CCDC87: variants seen among roughly 807,000 people sequenced by gnomAD.
CCDC87 encodes coiled-coil domain containing 87.
For synonymous variants in CCDC87, 434 were observed against 440.2 expected, an observed-to-expected ratio of 0.99 and a Z score of 0.18; for missense variants, 1,072 against 1,041.7, an observed-to-expected ratio of 1.03 and a Z score of -0.40.
In CCDC87 at chr11:66,593,050, G is replaced by C; in HGVS notation, c.-35C>G. 3.3e-6 allele frequency: 5 copies of C among 1,502,000 alleles called. No homozygotes were observed. Among genetic ancestry groups the C allele is most frequent in the Non-Finnish European group, 4.4e-6 (5 of 1,127,184 alleles). The allele number at this position is 1,502,000 out of a possible 1,614,324, so 93.0% of individuals were successfully genotyped here. Reference sequence around the variant, plus strand: ...GGCCGCCACCGTCCAGGAACAGAAAGCCGAGGGGTTACTAAGGCAACCAGG... The same window carrying C: ...GGCCGCCACCGTCCAGGAACAGAAACCCGAGGGGTTACTAAGGCAACCAGG... On this transcript the variant is annotated 5_prime_UTR_variant, in exon 1 of 1. Coordinates refer to ENST00000333861, the MANE Select transcript of CCDC87 (RefSeq NM_018219.3).
chr11:66,593,045 A>C lies in CCDC87; in HGVS notation c.-30T>G, dbSNP rs1377882414. Reference sequence around the variant, plus strand: ...CCGGCGGCCGCCACCGTCCAGGAACAGAAAGCCGAGGGGTTACTAAGGCAA... The same window carrying C: ...CCGGCGGCCGCCACCGTCCAGGAACCGAAAGCCGAGGGGTTACTAAGGCAA... On this transcript the variant is annotated 5_prime_UTR_variant, in exon 1 of 1. Transcript: ENST00000333861. 1.5e-5 allele frequency: 22 copies of C among 1,504,306 alleles called. No homozygotes were observed. Among genetic ancestry groups the C allele is most frequent in the Non-Finnish European group, 1.9e-5 (22 of 1,128,932 alleles). The allele number at this position is 1,504,306 out of a possible 1,614,324, so 93.2% of individuals were successfully genotyped here.
At position 66,593,049 on chromosome 11, in the gene CCDC87, A is replaced by T; in HGVS notation, c.-34T>A. 6.7e-7 allele frequency: 1 copy of T among 1,501,598 alleles called. No individual in the cohort carries two copies. The allele number at this position is 1,501,598 out of a possible 1,614,324, so 93.0% of individuals were successfully genotyped here. ...CGGCCGCCACCGTCCAGGAACAGAA[A>T]GCCGAGGGGTTACTAAGGCAACCAG... On this transcript the variant is annotated 5_prime_UTR_variant, in exon 1 of 1. Coordinates refer to ENST00000333861, the MANE Select transcript of CCDC87 (RefSeq NM_018219.3).
At position 66,590,512 on chromosome 11, in the gene CCDC87, T is replaced by C; in HGVS notation, c.2504A>G (p.Asp835Gly). 1 of 1,613,762 alleles carries C rather than the reference T, an allele frequency of 6.2e-7. No homozygotes were observed. Among genetic ancestry groups the C allele is most frequent in the Non-Finnish European group, 8.5e-7 (1 of 1,179,760 alleles). The change falls in exon 1 of 1, where the codon GAT (aspartate) becomes GGT (glycine). Residue 835 changes from aspartate to glycine, a missense_variant. Asp to Gly is a moderately conservative substitution (Grantham distance 94, BLOSUM62 -1). Transcript: ENST00000333861. The part of the protein sequence containing the change: ...RVRHLVSALK[D>G]PHQSTLFRSS... Reference sequence around the variant, plus strand: ...CCTGAACAGGGTTGACTGGTGGGGATCCTTCAGGGCCGAGACCAGGTGGCG... The same window carrying C: ...CCTGAACAGGGTTGACTGGTGGGGACCCTTCAGGGCCGAGACCAGGTGGCG...
chr11:66,591,930 C>T lies in CCDC87; in HGVS notation c.1086G>A (p.Lys362=). ...AGCGAGTCCCCTCCAACTTCATCTT[C>T]TTTATCAACTGCTTCAGATCCTCAG... ...IVAEDLKQLI[K]KMKLEGTRYP... is the part of the protein sequence containing the mutation. Residue 362 remains lysine, a synonymous_variant, in exon 1 of 1, where the codon AAG becomes AAA. Transcript: ENST00000333861. 1 of 1,613,912 alleles carries T rather than the reference C, an allele frequency of 6.2e-7. No individual in the cohort carries two copies. Among genetic ancestry groups the T allele is most frequent in the South Asian group, 1.1e-5 (1 of 91,086 alleles).
In CCDC87 at chr11:66,592,778, G is replaced by A. The variant is rs755017754; in HGVS notation, c.238C>T (p.Arg80Ter). Residue 80 changes from arginine to a stop codon, truncating the protein, a stop_gained, in exon 1 of 1, where the codon CGA becomes TGA. Coordinates refer to ENST00000333861, the MANE Select transcript of CCDC87 (RefSeq NM_018219.3). LOFTEE classifies it low-confidence loss of function (END_TRUNC). ...GIAAGVPPEA[R>*]LRLIKVILDE... ...AGGATGACCTTGATGAGACGTAGTC[G>A]GGCCTCAGGAGGCACTCCCGCTGCT... 6 of 1,611,818 alleles carry A rather than the reference G, an allele frequency of 3.7e-6. No individual in the cohort carries two copies. The highest frequency in any genetic ancestry group is 5.1e-6 in the Non-Finnish European group (6 of 1,179,108).
In CCDC87 at chr11:66,592,446, C is replaced by A. The variant is rs1352303709; in HGVS notation, c.570G>T (p.Gly190=). ...AGACAGGGTGCAGCTTGTCCACATC[C>A]CCAGAGGCCTGCTCTGCCCTCAGCA... The part of the protein sequence containing the change: ...QALLRAEQAS[G]DVDKLHPVCP... The change falls in exon 1 of 1, where the codon GGG becomes GGT. Residue 190 remains glycine, a synonymous_variant. Coordinates refer to ENST00000333861, the MANE Select transcript of CCDC87 (RefSeq NM_018219.3). 3.1e-6 allele frequency: 5 copies of A among 1,613,898 alleles called. No individual in the cohort carries two copies. The highest frequency in any genetic ancestry group is 4.2e-6 in the Non-Finnish European group (5 of 1,179,996).
In CCDC87 at chr11:66,592,177, G is replaced by C; in HGVS notation, c.839C>G (p.Ser280Cys). ...IGKKREIDIS[S>C]SQMVSLPSYP... is the part of the protein sequence containing the mutation. Reference sequence around the variant, plus strand: ...GCTGGGCAGCGACACCATCTGTGAGGAACTGATGTCGATTTCTCTCTTCTT... The same window carrying C: ...GCTGGGCAGCGACACCATCTGTGAGCAACTGATGTCGATTTCTCTCTTCTT... The change falls in exon 1 of 1, where the codon TCC becomes TGC. Residue 280 changes from serine (S) to cysteine (C), a missense_variant. Coordinates refer to ENST00000333861, the MANE Select transcript of CCDC87 (RefSeq NM_018219.3). 1 of 1,595,956 alleles carries C rather than the reference G, an allele frequency of 6.3e-7. No homozygotes were observed. Among genetic ancestry groups the C allele is most frequent in the Non-Finnish European group, 8.5e-7 (1 of 1,171,290 alleles).
In CCDC87 at chr11:66,591,711, A is replaced by G; in HGVS notation, c.1305T>C (p.Leu435=). ...CCGCCTGGACCACGACCTCATTTCT[A>G]AGCTTCAAAGTAATGGTCACTGGCT... ...HPQPVTITLK[L]RNEVVVQAAA... The change falls in exon 1 of 1, where the codon CTT becomes CTC. Residue 435 remains leucine, a synonymous_variant. Transcript: ENST00000333861. 6.2e-7 allele frequency: 1 copy of G among 1,613,658 alleles called. No homozygotes were observed. The highest frequency in any genetic ancestry group is 1.1e-5 in the South Asian group (1 of 91,070).
Position 66,592,935 on chromosome 11 carries a change from A to T in CCDC87, c.81T>A (p.Thr27=), listed in dbSNP as rs772721340. 59 of 1,519,658 alleles carry T rather than the reference A, an allele frequency of 3.9e-5. 1 individual carries two copies. Among genetic ancestry groups the T allele is most frequent in the African/African-American group, 4.2e-5 (3 of 71,680 alleles). 94.1% of individuals were successfully genotyped at this position (1,519,658 alleles called of 1,614,324 possible). ...RLLRPLSLFP[T]RTTSPEPQKR... is the part of the protein sequence containing the mutation. ...TCTGAGGCTCTGGGGACGTCGTCCTAGTGGGGAAGAGCGACAGCGGACGCA... is the reference window on the plus strand; with the variant it reads ...TCTGAGGCTCTGGGGACGTCGTCCTTGTGGGGAAGAGCGACAGCGGACGCA... The change falls in exon 1 of 1, where the codon ACT becomes ACA. Residue 27 remains threonine (T), a synonymous_variant. Transcript: ENST00000333861.
In CCDC87 at chr11:66,590,589, C is replaced by T. The variant is rs973609447; in HGVS notation, c.2427G>A (p.Met809Ile). 10 of 1,614,120 alleles carry T rather than the reference C, an allele frequency of 6.2e-6. No homozygotes were observed. The highest frequency in any genetic ancestry group is 1.3e-5 in the African/African-American group (1 of 74,948). The change falls in exon 1 of 1, where the codon ATG becomes ATA. Residue 809 changes from methionine (M) to isoleucine (I), a missense_variant. Physicochemically the swap from Met to Ile is conservative, Grantham distance 10. Transcript: ENST00000333861. ...AGAGCATCTCCACTTTGTCACTCTTCATCTTGTCCAGGTAGGGCCGCCCCT... is the reference window on the plus strand; with the variant it reads ...AGAGCATCTCCACTTTGTCACTCTTTATCTTGTCCAGGTAGGGCCGCCCCT... Reference protein sequence around the residue: ...IFKGRPYLDKMKSDKVEMLYW... With the variant: ...IFKGRPYLDKIKSDKVEMLYW...
chr11:66,591,139 G>T lies in CCDC87; in HGVS notation c.1877C>A (p.Ala626Asp). 6.2e-7 allele frequency: 1 copy of T among 1,614,100 alleles called. No homozygotes were observed. Among genetic ancestry groups the T allele is most frequent in the Non-Finnish European group, 8.5e-7 (1 of 1,180,020 alleles). The change falls in exon 1 of 1, where the codon GCC (alanine) becomes GAC (aspartate). Residue 626 changes from alanine (A) to aspartate (D), a missense_variant. Ala to Asp is a moderately radical substitution (Grantham distance 126). Transcript: ENST00000333861. ...HEEEVPVEIV[A>D]PARESLEIQH... ...AATCTCTAGGGACTCTCTGGCAGGG[G>T]CCACAATCTCCACAGGAACCTCTTC...
At position 66,592,846 on chromosome 11, in the gene CCDC87, G is replaced by T; in HGVS notation, c.170C>A (p.Ser57Ter). ...CAGCTTGGCCACCTGGCTGCACAGC[G>T]ACGCCACCGTCAGCTTCGCCAGAGG... ...SFPLAKLTVA[S>*]LCSQVAKLLA... Residue 57 changes from serine (S) to a stop codon, truncating the protein, a stop_gained, in exon 1 of 1, where the codon TCG becomes TAG. Coordinates refer to ENST00000333861, the MANE Select transcript of CCDC87 (RefSeq NM_018219.3). LOFTEE classifies it low-confidence loss of function (END_TRUNC). 6.3e-7 allele frequency: 1 copy of T among 1,578,842 alleles called. No individual in the cohort carries two copies. The highest frequency in any genetic ancestry group is 2.2e-5 in the East Asian group (1 of 44,542).
chr11:66,591,808 C>T lies in CCDC87; in HGVS notation c.1208G>A (p.Arg403Lys), dbSNP rs1443846706. 5.6e-6 allele frequency: 9 copies of T among 1,613,310 alleles called. No individual in the cohort carries two copies. In the Admixed American group the frequency reaches 1.5e-4, roughly 27 times the overall value. ...HRLEELEKML[R>K]NLQEEEASGQ... is the part of the protein sequence containing the mutation. The stretch of plus-strand genomic sequence containing the variant: ...AGAGGCTTCTTCCTCCTGGAGGTTC[C>T]TCAACATCTTCTCCAGCTCCTCCAG... The change falls in exon 1 of 1, where the codon AGG (arginine) becomes AAG (lysine). Residue 403 changes from arginine (R) to lysine (K), a missense_variant. Transcript: ENST00000333861.
chr11:66,590,566 A>C lies in CCDC87; in HGVS notation c.2450T>G (p.Leu817Arg), dbSNP rs1858333256. Residue 817 changes from leucine (L) to arginine (R), a missense_variant, in exon 1 of 1, where the codon CTC becomes CGC. By Grantham distance (102) the Leu-to-Arg change is moderately radical. Coordinates refer to ENST00000333861, the MANE Select transcript of CCDC87 (RefSeq NM_018219.3). ...DKMKSDKVEM[L>R]YWLQQQRRVR... is the part of the protein sequence containing the mutation. ...CCGCCGCTGCTGTTGCAGCCAATAG[A>C]GCATCTCCACTTTGTCACTCTTCAT... 4 of 1,614,036 alleles carry C rather than the reference A, an allele frequency of 2.5e-6. No individual in the cohort carries two copies. The highest frequency in any genetic ancestry group is 1.3e-5 in the African/African-American group (1 of 74,916).
Position 66,592,889 on chromosome 11 carries a change from G to A in CCDC87, c.127C>T (p.Arg43Trp), listed in dbSNP as rs755870174. 3.9e-6 allele frequency: 6 copies of A among 1,542,742 alleles called. No homozygotes were observed. The Admixed American group carries it at 1.2e-4, about 32-fold the overall frequency. ...EPQKRPPQEG[R>W]ILQSFPLAKL... is the part of the protein sequence containing the mutation. ...GCCAGAGGGAAGGACTGCAGAATCC[G>A]GCCCTCCTGCGGGGGGCGCTTCTGA... is the stretch of plus-strand genomic sequence containing the variant. Residue 43 changes from arginine to tryptophan, a missense_variant, in exon 1 of 1, where the codon CGG (arginine) becomes TGG (tryptophan). Arg to Trp is a moderately radical substitution (Grantham distance 101). Transcript: ENST00000333861.
Position 66,591,410 on chromosome 11 carries a change from TTTC to T in CCDC87, c.1603_1605del (p.Glu535del). The T allele has an allele frequency of 2.5e-6, 4 of 1,614,184 alleles. No individual in the cohort carries two copies. Among genetic ancestry groups the T allele is most frequent in the Non-Finnish European group, 3.4e-6 (4 of 1,180,036 alleles). ...TCAGGGTTGATGATTTGAGGCTGTT[TTTC>T]TTGACGTAGAAAGGCTGAGGACAGG... On this transcript the variant is annotated inframe_deletion, in exon 1 of 1. Transcript: ENST00000333861.
Position 66,592,904 on chromosome 11 carries a change from G to T in CCDC87, c.112C>A (p.Pro38Thr). 6.5e-7 allele frequency: 1 copy of T among 1,532,790 alleles called. No individual in the cohort carries two copies. The allele number at this position is 1,532,790 out of a possible 1,614,324, so 94.9% of individuals were successfully genotyped here. A position where few individuals can be genotyped will look rare whatever the true frequency, so the allele number is the denominator to read the frequency against. Residue 38 changes from proline (P) to threonine (T), a missense_variant, in exon 1 of 1, where the codon CCC becomes ACC. Physicochemically the swap from Pro to Thr is conservative, Grantham distance 38. Transcript: ENST00000333861. ...TGCAGAATCCGGCCCTCCTGCGGGG[G>T]GCGCTTCTGAGGCTCTGGGGACGTC... is the stretch of plus-strand genomic sequence containing the variant. ...RTTSPEPQKR[P>T]PQEGRILQSF...
chr11:66,592,448 C>T lies in CCDC87; in HGVS notation c.568G>A (p.Gly190Arg). The T allele has an allele frequency of 6.2e-7, 1 of 1,613,906 alleles. No individual in the cohort carries two copies. The highest frequency in any genetic ancestry group is 8.5e-7 in the Non-Finnish European group (1 of 1,179,994). The change falls in exon 1 of 1, where the codon GGG (glycine) becomes AGG (arginine). Residue 190 changes from glycine to arginine, a missense_variant. Transcript: ENST00000333861. ...ACAGGGTGCAGCTTGTCCACATCCC[C>T]AGAGGCCTGCTCTGCCCTCAGCAGG... ...QALLRAEQAS[G>R]DVDKLHPVCP...
chr11:66,592,355 G>A lies in CCDC87; in HGVS notation c.661C>T (p.Gln221Ter), dbSNP rs1477905935. The change falls in exon 1 of 1, where the codon CAG (glutamine) becomes TAG (stop). Residue 221 changes from glutamine (Q) to a stop codon, truncating the protein, a stop_gained. Transcript: ENST00000333861. LOFTEE classifies it low-confidence loss of function (END_TRUNC). The stretch of plus-strand genomic sequence containing the variant: ...TAGTTCAGGTTGAGGTTAGAGCACT[G>A]CACTTGGGCGAAGCCAGTGCTGTGA... The part of the protein sequence containing the change: ...WPHSTGFAQV[Q>*]CSNLNLNYLI... 1.2e-6 allele frequency: 2 copies of A among 1,614,056 alleles called. No homozygotes were observed. The highest frequency in any genetic ancestry group is 1.7e-6 in the Non-Finnish European group (2 of 1,180,038).
Sources: gnomAD v4.1 joint callset for allele counts on GRCh38, gnomAD v4.1.1 for gene constraint, MANE v1.5 for transcripts, NCBI Gene and HGNC (gene_info 2026-07-23, HGNC 2026-07-21) for gene names.